Variants in GPC3 observed in about 807,000 individuals in gnomAD.
The protein encoded by GPC3 is glypican-3.
A neutral mutation model predicts 34.4 loss-of-function variants in GPC3; 3 were observed. The ratio of observed to expected loss-of-function variants is 0.09; its 90% confidence interval spans 0.04 to 0.23. The LOEUF (loss-of-function observed/expected upper bound fraction) is 0.23, where lower values mean the gene tolerates loss of function less well. GPC3 is among the 10% of genes least tolerant of loss of function. The pLI is 1.00. For missense variants in GPC3, 351 were observed against 445.6 expected, an observed-to-expected ratio of 0.79 and a Z score of 1.91; for synonymous variants, 177 against 174.0, an observed-to-expected ratio of 1.02 and a Z score of -0.13.
chrX:133,844,998 T>C (rs1290218201), intron 2 of GPC3, among the ~76,000 whole-genome samples: 1 of 111,406 alleles, frequency 9.0e-6, no homozygotes, highest in Admixed American at 9.5e-5. Context: ...GGGGAGGTTG[T>C]AGGTAACAGC....
chrX:133,858,439 T>C (rs2124565031), intron 2 of GPC3, among the ~76,000 whole-genome samples: 1 of 112,020 alleles, frequency 8.9e-6, no homozygotes, highest in African/African-American at 3.2e-5. Context: ...CCTGGATGCC[T>C]TCACCCTGCC....
intron 2 of GPC3, among the ~76,000 whole-genome samples, chrX:133,825,743 A>C (rs1242533332): frequency 8.9e-6 from 1 of 112,239 alleles, no homozygotes; most frequent in East Asian, 2.8e-4. Flanking sequence ...AGACCTGAGA[A>C]GGCACAAAGG....
chrX:133,763,152 G>A (rs1237538375), intron 2 of GPC3: 19 of 728,902 alleles, frequency 2.6e-5, no homozygotes, highest in East Asian at 1.3e-4. Flanking sequence ...TTCAGGAGCC[G>A]CAGCTTCTTG....
At chrX:133,965,326 C>A (rs1041093302) in intron 1 of GPC3, among the ~76,000 whole-genome samples, 7 of 111,086 alleles carry the variant, frequency 6.3e-5, no homozygotes, top group African/African-American at 2.3e-4. Context: ...AGGGAGGCAA[C>A]CCAGAACACC....
At chrX:133,888,568 C>T (rs144690239) in intron 2 of GPC3, among the ~76,000 whole-genome samples, 8,734 of 111,893 alleles carry the variant, frequency 0.078, 352 homozygotes, top group Non-Finnish European at 0.12. Flanking sequence ...TATTTTTCCA[C>T]AACCTCTCCA....
In GPC3 at chrX:133,935,089, C is replaced by T. The variant is rs188986932; in HGVS notation, c.337+17961G>A. ...CATGAGATAATTCAGTAGGTAAATC[C>T]GAAACACTTCCTTCCTACTAGTGAC... is the stretch of plus-strand genomic sequence containing the variant. On this transcript the variant is annotated intron_variant, in intron 2 of 7. Coordinates refer to ENST00000370818, the MANE Select transcript of GPC3 (RefSeq NM_004484.4). Among the ~76,000 whole-genome samples, 103 of 111,676 alleles carry T rather than the reference C, an allele frequency of 9.2e-4. 1 individual carries two copies. Among genetic ancestry groups the T allele is most frequent in the African/African-American group, 3.2e-3 (98 of 30,748 alleles).
At chrX:133,552,905 G>A (rs2069448571) in intron 7 of GPC3, among the ~76,000 whole-genome samples, 1 of 111,591 alleles carries the variant, frequency 9.0e-6, no homozygotes. Context: ...AAGCAAGCAA[G>A]TGCAAAAGGA....
chrX:133,567,924 T>C (rs901898914), intron 7 of GPC3, among the ~76,000 whole-genome samples: 1 of 112,078 alleles, frequency 8.9e-6, no homozygotes, highest in African/African-American at 3.2e-5. Flanking sequence ...CAAAGACACT[T>C]TGAAAAAAGA....
At chrX:133,922,624 C>T (rs772819115) in intron 2 of GPC3, among the ~76,000 whole-genome samples, 104 of 110,319 alleles carry the variant, frequency 9.4e-4, no homozygotes, top group Admixed American at 4.0e-3. Flanking sequence ...ATGACACTTC[C>T]CACTCCTGAA....
intron 6 of GPC3, among the ~76,000 whole-genome samples, chrX:133,624,856 A>C (rs1237748489): frequency 2.9e-5 from 3 of 103,180 alleles, no homozygotes; most frequent in Non-Finnish European, 6.0e-5. Context: ...GTGACACAAC[A>C]AAAAAAAAAA....
At chrX:133,829,926 T>C (rs1240327422) in intron 2 of GPC3, among the ~76,000 whole-genome samples, 1 of 112,111 alleles carries the variant, frequency 8.9e-6, no homozygotes. Context: ...AGTAAAGATG[T>C]AATCTTCCCA....
In GPC3 at chrX:133,748,063, T is replaced by G. The variant is rs780485675; in HGVS notation, c.1032+5419A>C. On this transcript the variant is annotated intron_variant, in intron 3 of 7. Transcript: ENST00000370818. The stretch of plus-strand genomic sequence containing the variant: ...TAGTTATTTTGGGGATTAAAGGAAG[T>G]AAACAAAATTACAGAAAGTTTTGGG... Among the ~76,000 whole-genome samples the G allele has an allele frequency of 1.9e-4, 21 of 112,091 alleles. No individual in the cohort carries two copies. The South Asian group carries it at 4.5e-3, about 24-fold the overall frequency.
rs777061530 is a variant in GPC3 at position 133,969,249 on chromosome X, TAAG to T, written c.175+16023_175+16025del. Among the ~76,000 whole-genome samples, 198 of 111,392 alleles carry T rather than the reference TAAG, an allele frequency of 1.8e-3. 2 individuals carry two copies. Among genetic ancestry groups the T allele is most frequent in the African/African-American group, 5.9e-3 (182 of 30,592 alleles). On this transcript the variant is annotated intron_variant, in intron 1 of 7. Coordinates refer to ENST00000370818, the MANE Select transcript of GPC3 (RefSeq NM_004484.4). ...GAGCAACCTGCATGCCTGAAATAAT[TAAG>T]AAGAAGAGACTCAATTATCCAGTAA...
chrX:133,727,538 G>A (rs1432731470), intron 3 of GPC3, among the ~76,000 whole-genome samples: 2 of 106,089 alleles, frequency 1.9e-5, no homozygotes, highest in African/African-American at 7.3e-5. Context: ...CAAAAAGAAC[G>A]AAACACTGTC....
Position 133,794,703 on chromosome X carries a change from G to A in GPC3, c.338-40527C>T, listed in dbSNP as rs762244207. Among the ~76,000 whole-genome samples the A allele has an allele frequency of 2.7e-5, 3 of 111,972 alleles. No homozygotes were observed. In the South Asian group the frequency reaches 1.1e-3, roughly 42 times the overall value. The stretch of plus-strand genomic sequence containing the variant: ...ACAACCGCCTCACATGATCTCAACA[G>A]AATCCCCACTGTAAATGCACTTCCT... On this transcript the variant is annotated intron_variant, in intron 2 of 7. Transcript: ENST00000370818.
At chrX:133,607,355 C>T (rs2070061958) in intron 6 of GPC3, among the ~76,000 whole-genome samples, 3 of 111,385 alleles carry the variant, frequency 2.7e-5, no homozygotes, top group Admixed American at 1.9e-4. Context: ...GTGCTCAGGA[C>T]ATGTTTGGTA....
intron 3 of GPC3, among the ~76,000 whole-genome samples, chrX:133,722,157 A>G (rs2071373780): frequency 9.0e-6 from 1 of 111,577 alleles, no homozygotes. Flanking sequence ...AACTTATCTG[A>G]TATTGACTAA....
intron 3 of GPC3, among the ~76,000 whole-genome samples, chrX:133,736,405 C>A (rs73563294): frequency 0.039 from 4,348 of 111,753 alleles, 231 homozygotes; most frequent in African/African-American, 0.13. Context: ...AAACATACAT[C>A]CACACAAAGA....
At chrX:133,922,957 G>T (rs763418045) in intron 2 of GPC3, among the ~76,000 whole-genome samples, 1 of 110,993 alleles carries the variant, frequency 9.0e-6, no homozygotes, top group African/African-American at 3.3e-5. Flanking sequence ...TAAAGACGGG[G>T]AACATGAAGG....
Sources: allele counts gnomAD v4.1 joint callset (sites outside exome capture counted in the v4.1 genomes callset), GRCh38; gene constraint gnomAD v4.1.1; transcripts MANE v1.5; gene names NCBI Gene and HGNC (gene_info 2026-07-23, HGNC 2026-07-21).